Variants in CDH9 observed in about 807,000 individuals in gnomAD.
CDH9 encodes cadherin 9.
CDH9 carries 28 observed loss-of-function variants against 70.9 expected under a neutral mutation model. The ratio of observed to expected loss-of-function variants is 0.40; its 90% CI spans 0.29 to 0.54. The LOEUF is 0.54. Among genes scored for constraint, CDH9 ranks in the 20% least tolerant of loss-of-function variants. The probability of loss-of-function intolerance (pLI) is 0.59; values close to 1 mark genes in which losing one functional copy is unlikely to be tolerated. For synonymous variants in CDH9, 409 were observed against 343.1 expected (o/e 1.19, Z -2.12); for missense variants, 874 against 984.4 (o/e 0.89, Z 1.50).
intron 1 of CDH9, among the ~76,000 whole-genome samples, chr5:27,037,493 G>A (rs768163515): frequency 4.1e-4 from 62 of 151,832 alleles, no homozygotes; most frequent in Non-Finnish European, 7.2e-4. Context: ...ATTTAAAACA[G>A]ATTATGAGAA....
chr5:26,957,296 G>A (rs1273680479), intron 2 of CDH9, among the ~76,000 whole-genome samples: 3 of 152,036 alleles, frequency 2.0e-5, no homozygotes, highest in East Asian at 1.9e-4. Context: ...TTATTGAGAA[G>A]CATTTATATA....
intron 2 of CDH9, among the ~76,000 whole-genome samples, chr5:26,917,479 C>G (rs1741169301): frequency 6.6e-6 from 1 of 152,152 alleles, no homozygotes; most frequent in South Asian, 2.1e-4. Flanking sequence ...ACATCATATA[C>G]TTTACAATTC....
chr5:27,009,657 G>A (rs1742924251), intron 1 of CDH9, among the ~76,000 whole-genome samples: 2 of 152,038 alleles, frequency 1.3e-5, no homozygotes, highest in Admixed American at 1.3e-4. Flanking sequence ...TTCTTAGCCA[G>A]CTCATTGGCT....
chr5:26,945,712 A>G (rs1321536960), intron 2 of CDH9, among the ~76,000 whole-genome samples: 2 of 152,154 alleles, frequency 1.3e-5, no homozygotes, highest in East Asian at 1.9e-4. Flanking sequence ...TATAAGAAAT[A>G]CTCTGCTGGG....
intron 7 of CDH9, among the ~76,000 whole-genome samples, chr5:26,900,058 C>A (rs1346907196): frequency 1.3e-5 from 2 of 151,866 alleles, no homozygotes; most frequent in African/African-American, 2.4e-5. Context: ...TTTTGAACAA[C>A]TTTATGTTAA....
intron 2 of CDH9, among the ~76,000 whole-genome samples, chr5:26,971,241 G>C (rs1742214277): frequency 6.6e-6 from 1 of 152,136 alleles, no homozygotes; most frequent in Non-Finnish European, 1.5e-5. Context: ...ATTACCAGGA[G>C]TGAAATGGCA....
At chr5:26,993,998 T>C (rs1054869855) in intron 1 of CDH9, among the ~76,000 whole-genome samples, 5 of 152,148 alleles carry the variant, frequency 3.3e-5, no homozygotes, top group African/African-American at 1.2e-4. Flanking sequence ...TTTGCCTTGT[T>C]GGGTTTTAAA....
intron 2 of CDH9, among the ~76,000 whole-genome samples, chr5:26,954,281 A>T (rs1229472067): frequency 6.6e-6 from 1 of 152,008 alleles, no homozygotes; most frequent in African/African-American, 2.4e-5. Flanking sequence ...AATTTCAACT[A>T]CCAACAATGC....
At chr5:26,950,711 G>C (rs1383387738) in intron 2 of CDH9, among the ~76,000 whole-genome samples, 3 of 151,912 alleles carry the variant, frequency 2.0e-5, no homozygotes, top group Non-Finnish European at 4.4e-5. Context: ...GGTAGGTAGG[G>C]GAATAAAGAT....
chr5:26,932,850 T>G (rs2112025834), intron 2 of CDH9, among the ~76,000 whole-genome samples: 1 of 151,708 alleles, frequency 6.6e-6, no homozygotes, highest in East Asian at 1.9e-4. Context: ...GTTTCCAATT[T>G]TTTCCTGCCT....
intron 2 of CDH9, among the ~76,000 whole-genome samples, chr5:26,934,372 G>T (rs953566204): frequency 1.4e-4 from 22 of 152,240 alleles, no homozygotes; most frequent in African/African-American, 5.3e-4. Context: ...GGATGAGGTG[G>T]TAGGATTGCT....
intron 3 of CDH9, among the ~76,000 whole-genome samples, chr5:26,913,837 A>T (rs1313917559): frequency 6.6e-5 from 10 of 151,476 alleles, no homozygotes; most frequent in African/African-American, 1.2e-4. Flanking sequence ...TATTAATAGA[A>T]CCTAGTTGTA....
intron 1 of CDH9, among the ~76,000 whole-genome samples, chr5:26,990,434 T>C (rs552258021): frequency 6.6e-6 from 1 of 152,254 alleles, no homozygotes; most frequent in East Asian, 1.9e-4. Flanking sequence ...ATTACAGTAA[T>C]ACAAAATTAC....
intron 2 of CDH9, among the ~76,000 whole-genome samples, chr5:26,985,156 C>T (rs550337775): frequency 1.3e-5 from 2 of 152,120 alleles, no homozygotes; most frequent in African/African-American, 4.8e-5. Flanking sequence ...GAAGGTCTAA[C>T]TTTATCCTAT....
At chr5:26,883,657 C>A (rs1201059928) in intron 11 of CDH9, among the ~76,000 whole-genome samples, 1 of 152,032 alleles carries the variant, frequency 6.6e-6, no homozygotes, top group Non-Finnish European at 1.5e-5. Context: ...ATTTGATAAG[C>A]AAGCACGGTT....
intron 4 of CDH9, 57 bp from the exon 5 acceptor site, chr5:26,906,183 G>T: frequency 6.9e-7 from 1 of 1,456,004 alleles, no homozygotes; most frequent in Non-Finnish European, 9.5e-7. Context: ...TTAAAATTAA[G>T]CTAGACAAGA....
At chr5:26,904,997 T>C (rs887730689) in intron 5 of CDH9, among the ~76,000 whole-genome samples, 1 of 152,062 alleles carries the variant, frequency 6.6e-6, no homozygotes, top group Non-Finnish European at 1.5e-5. Context: ...TTTATGTTAT[T>C]TAGGCTTATT....
intron 5 of CDH9, among the ~76,000 whole-genome samples, chr5:26,905,030 ATT>A (rs1740921434): frequency 6.6e-6 from 1 of 152,042 alleles, no homozygotes; most frequent in Non-Finnish European, 1.5e-5. Context: ...AGCAAACTTT[ATT>A]GTTTTACATA....
intron 2 of CDH9, among the ~76,000 whole-genome samples, chr5:26,981,942 A>ACATCAT (rs140187333): frequency 1.3e-5 from 2 of 151,794 alleles, no homozygotes; most frequent in African/African-American, 4.8e-5. Flanking sequence ...TTTCATAATG[A>ACATCAT]CATCATCATC....
Sources: gnomAD v4.1 joint callset for allele counts (sites outside exome capture counted in the v4.1 genomes callset) on GRCh38, gnomAD v4.1.1 for gene constraint, MANE v1.5 for transcripts, NCBI Gene and HGNC (gene_info 2026-07-23, HGNC 2026-07-21) for gene names.